ATP8A2: variants seen among roughly 807,000 people sequenced by gnomAD.
ATP8A2 encodes phospholipid-transporting ATPase IB.
A neutral mutation model predicts 165.6 loss-of-function variants in ATP8A2; 100 were observed. That is an observed-to-expected ratio of 0.60 (90% CI 0.51 to 0.71). The LOEUF is 0.71. ATP8A2 is among the 30% of genes least tolerant of loss of function. The probability of loss-of-function intolerance (pLI) is 0.00; values close to 1 mark genes in which losing one functional copy is unlikely to be tolerated. For synonymous variants in ATP8A2, 543 were observed against 548.8 expected (o/e 0.99, Z 0.15); for missense variants, 1,227 against 1,479.5 (o/e 0.83, Z 2.80).
intron 1 of ATP8A2, among the ~76,000 whole-genome samples, chr13:25,459,954 C>A (rs911414910): frequency 6.6e-6 from 1 of 152,156 alleles, no homozygotes; most frequent in African/African-American, 2.4e-5. Flanking sequence ...GTAATCCCAG[C>A]ACTTTGGGAG....
At chr13:25,472,411 A>AT (rs71077470) in intron 2 of ATP8A2, among the ~76,000 whole-genome samples, 2 of 141,812 alleles carry the variant, frequency 1.4e-5, no homozygotes, top group African/African-American at 5.7e-5. Flanking sequence ...AAAAAAAAAA[A>AT]TTGATTATAA....
chr13:25,614,724 C>G lies in ATP8A2; in HGVS notation c.2211+25025C>G, dbSNP rs149532128. ...TTGATGTGGTGCTCTCCGCCTTTTC[C>G]TAGGCATGGGGCTTCCTGAGACCTG... On this transcript the variant is annotated intron_variant, in intron 24 of 36. Coordinates refer to ENST00000381655, the MANE Select transcript of ATP8A2 (RefSeq NM_016529.6). Among the ~76,000 whole-genome samples, 8 of 152,264 alleles carry G rather than the reference C, an allele frequency of 5.3e-5. No homozygotes were observed. In the East Asian group the frequency reaches 1.4e-3, roughly 26 times the overall value.
At chr13:25,828,071 T>G (rs1363869882) in intron 27 of ATP8A2, 47 bp from the exon 28 acceptor site, 1 of 1,457,814 alleles carries the variant, frequency 6.9e-7, no homozygotes, top group Admixed American at 1.7e-5. Context: ...ATGGAAACAT[T>G]TAGGTCAATA....
intron 35 of ATP8A2, among the ~76,000 whole-genome samples, chr13:25,991,871 G>T (rs1956403165): frequency 6.7e-6 from 1 of 150,340 alleles, no homozygotes; most frequent in African/African-American, 2.4e-5. Flanking sequence ...GAGTGCAATA[G>T]CTGGGTTTAT....
At chr13:25,860,929 C>A in intron 32 of ATP8A2, 69 bp downstream of exon 32, 1 of 1,119,538 alleles carries the variant, frequency 8.9e-7, no homozygotes, top group Non-Finnish European at 1.3e-6. Flanking sequence ...TCTTTTTAAG[C>A]CTTGGGGAAA....
At chr13:25,860,031 G>A (rs952364025) in intron 30 of ATP8A2, among the ~76,000 whole-genome samples, 164 bp from the exon 31 acceptor site, 1 of 152,112 alleles carries the variant, frequency 6.6e-6, no homozygotes, top group African/African-American at 2.4e-5. Flanking sequence ...AGATGAAAAA[G>A]TTCATCATTA....
intron 30 of ATP8A2, among the ~76,000 whole-genome samples, chr13:25,853,491 A>G (rs1031629475): frequency 4.0e-5 from 6 of 151,178 alleles, no homozygotes; most frequent in East Asian, 1.9e-4. Flanking sequence ...AACATGTTCT[A>G]TGTCCTCCCT....
At chr13:25,441,770 C>G (rs1362430267) in intron 1 of ATP8A2, among the ~76,000 whole-genome samples, 1 of 152,124 alleles carries the variant, frequency 6.6e-6, no homozygotes, top group Non-Finnish European at 1.5e-5. Context: ...ATAGAATTTA[C>G]TATCTCATCA....
At chr13:25,660,840 G>A (rs1290952858) in intron 24 of ATP8A2, among the ~76,000 whole-genome samples, 2 of 152,046 alleles carry the variant, frequency 1.3e-5, no homozygotes, top group Admixed American at 6.6e-5. Flanking sequence ...TGGGGATCCC[G>A]GTTACCCCAA....
chr13:25,860,897 A>G, intron 32 of ATP8A2, 37 bp downstream of exon 32: 1 of 1,415,728 alleles, frequency 7.1e-7, no homozygotes, highest in Non-Finnish European at 9.8e-7. Flanking sequence ...TGTTCAGTAT[A>G]GATATTTTTC....
chr13:25,754,083 T>G (rs1208532816), intron 25 of ATP8A2, among the ~76,000 whole-genome samples: 1 of 152,238 alleles, frequency 6.6e-6, no homozygotes. Flanking sequence ...GCGTAACGCC[T>G]TGGAGGCCAT....
At chr13:25,800,700 C>T (rs535699523) in intron 27 of ATP8A2, among the ~76,000 whole-genome samples, 1 of 152,224 alleles carries the variant, frequency 6.6e-6, no homozygotes, top group Non-Finnish European at 1.5e-5. Flanking sequence ...GGGCGATCGC[C>T]GTCATGCTGA....
At chr13:25,613,046 A>T (rs2040729130) in intron 24 of ATP8A2, among the ~76,000 whole-genome samples, 1 of 152,192 alleles carries the variant, frequency 6.6e-6, no homozygotes, top group African/African-American at 2.4e-5. Flanking sequence ...TAAAGACAGC[A>T]GATACTTGGT....
intron 25 of ATP8A2, among the ~76,000 whole-genome samples, chr13:25,735,937 C>T (rs1455136637): frequency 1.3e-5 from 2 of 152,212 alleles, no homozygotes; most frequent in Non-Finnish European, 2.9e-5. Context: ...CTTGCAAGCT[C>T]TGTTTATGGT....
chr13:25,627,052 G>A (rs760004922), intron 24 of ATP8A2, among the ~76,000 whole-genome samples: 9 of 152,084 alleles, frequency 5.9e-5, no homozygotes, highest in African/African-American at 1.7e-4. Flanking sequence ...ATGAGAGCTC[G>A]GTGGGAATAC....
chr13:25,972,523 C>T (rs1452022495), intron 35 of ATP8A2, among the ~76,000 whole-genome samples: 1 of 152,122 alleles, frequency 6.6e-6, no homozygotes, highest in Non-Finnish European at 1.5e-5. Flanking sequence ...TGTTTGTGCG[C>T]CTTATAGACA....
Position 25,716,266 on chromosome 13 carries a change from A to G in ATP8A2, c.2384+16921A>G, listed in dbSNP as rs145839715. Among the ~76,000 whole-genome samples the G allele has an allele frequency of 2.9e-3, 446 of 152,268 alleles. 4 individuals carry two copies. Among genetic ancestry groups the G allele is most frequent in the African/African-American group, 0.01 (430 of 41,570 alleles). On this transcript the variant is annotated intron_variant, in intron 25 of 36. Coordinates refer to ENST00000381655, the MANE Select transcript of ATP8A2 (RefSeq NM_016529.6). ...ACATGATTTGCAAAAAATTTTTTCTAATTCATTGGGCTGTCTTTTCACTTG... is the reference window on the plus strand; with the variant it reads ...ACATGATTTGCAAAAAATTTTTTCTGATTCATTGGGCTGTCTTTTCACTTG...
At chr13:25,724,339 A>C (rs78563155) in intron 25 of ATP8A2, among the ~76,000 whole-genome samples, 1,689 of 152,300 alleles carry the variant, frequency 0.011, 10 homozygotes, top group Non-Finnish European at 0.019. Flanking sequence ...CACTGTCACT[A>C]ACAAGCGGTA....
At chr13:25,614,455 C>T (rs1330200701) in intron 24 of ATP8A2, among the ~76,000 whole-genome samples, 1 of 152,100 alleles carries the variant, frequency 6.6e-6, no homozygotes, top group Non-Finnish European at 1.5e-5. Flanking sequence ...TTGGTATTCA[C>T]CTTTCTCTGG....
Sources: gnomAD v4.1 joint callset for allele counts (sites outside exome capture counted in the v4.1 genomes callset) on GRCh38, gnomAD v4.1.1 for gene constraint, MANE v1.5 for transcripts, NCBI Gene and HGNC (gene_info 2026-07-23, HGNC 2026-07-21) for gene names.